Variants in ADGRF5 observed in about 807,000 individuals in gnomAD.
ADGRF5 encodes the protein G-protein coupled receptor 116.
Under a neutral mutation model 132.3 loss-of-function variants are expected in ADGRF5, and 75 were observed. The observed-to-expected ratio is 0.57, with a 90% confidence interval of 0.47 to 0.69. The LOEUF is 0.69. Among genes scored for constraint, ADGRF5 ranks in the 30% least tolerant of loss-of-function variants. The pLI, the probability that ADGRF5 is intolerant of heterozygous loss-of-function variation, is 0.00. For synonymous variants in ADGRF5, 629 were observed against 597.6 expected (o/e 1.05, Z -0.77); for missense variants, 1,516 against 1,630.6 (o/e 0.93, Z 1.21).
upstream of ADGRF5, among the ~76,000 whole-genome samples, chr6:46,922,868 A>G (rs190264935): frequency 1.3e-5 from 2 of 152,334 alleles, no homozygotes; most frequent in Admixed American, 1.3e-4. Flanking sequence ...GTAGGAACTG[A>G]TGCTTTAGTC....
intron 3 of ADGRF5, among the ~76,000 whole-genome samples, chr6:46,896,318 C>A (rs969730110): frequency 6.6e-6 from 1 of 152,136 alleles, no homozygotes; most frequent in Non-Finnish European, 1.5e-5. Context: ...ATTGTCCTAA[C>A]AGGCAGCTCC....
chr6:46,912,941 T>G (rs1776086253), intron 1 of ADGRF5, among the ~76,000 whole-genome samples: 1 of 152,346 alleles, frequency 6.6e-6, no homozygotes, highest in South Asian at 2.1e-4. Flanking sequence ...CAACATTCTA[T>G]AAAATCCCCA....
chr6:46,879,724 C>T, intron 9 of ADGRF5, 94 bp downstream of exon 9: 1 of 859,614 alleles, frequency 1.2e-6, no homozygotes, highest in Non-Finnish European at 1.9e-6. Context: ...GAGAAAAACA[C>T]TATCTACATA....
chr6:46,852,710 G>C lies in ADGRF5; in HGVS notation c.*1282C>G, dbSNP rs536245007. ...AAAGGCTCTGCCATTTGTTCAACAA[G>C]GTCAAGTGTCATTAGGAGCACAGAA... is the stretch of plus-strand genomic sequence containing the variant. On this transcript the variant is annotated 3_prime_UTR_variant, in exon 21 of 21. Coordinates refer to ENST00000283296, the MANE Select transcript of ADGRF5 (RefSeq NM_001098518.2). 286 of 152,198 alleles carry C rather than the reference G, an allele frequency of 1.9e-3. 1 individual carries two copies. Among genetic ancestry groups the C allele is most frequent in the African/African-American group, 6.3e-3 (261 of 41,492 alleles). The allele number at this position is 152,198 out of a possible 1,614,324, so 9.4% of individuals were successfully genotyped here. A position where few individuals can be genotyped will look rare whatever the true frequency, so the allele number is the denominator to read the frequency against.
chr6:46,902,406 T>A (rs1411783238), intron 2 of ADGRF5, among the ~76,000 whole-genome samples: 2 of 152,252 alleles, frequency 1.3e-5, no homozygotes, highest in Non-Finnish European at 2.9e-5. Context: ...TGCTTTCCAA[T>A]AGGACTAAAG....
In ADGRF5 at chr6:46,879,853, T is replaced by G; in HGVS notation, c.1001A>C (p.Lys334Thr). 6.2e-7 allele frequency: 1 copy of G among 1,614,008 alleles called. No homozygotes were observed. Among genetic ancestry groups the G allele is most frequent in the Non-Finnish European group, 8.5e-7 (1 of 1,179,838 alleles). ...ALFNNMTSVSKLTIHNITPGD... is the reference protein window; with the variant it reads ...ALFNNMTSVSTLTIHNITPGD... ...TGGAGTGATGTTGTGGATGGTGAGC[T>G]TGGACACCGAAGTCATGTTGTTGAA... is the stretch of plus-strand genomic sequence containing the variant. Residue 334 changes from lysine to threonine, a missense_variant, in exon 9 of 21, where the codon AAG (lysine) becomes ACG (threonine). This residue lies in a region of ADGRF5 where 945 missense variants were observed against 929.4 expected (regional missense o/e 1.02). Transcript: ENST00000283296.
chr6:46,911,600 A>G (rs559799939), intron 1 of ADGRF5, among the ~76,000 whole-genome samples: 2 of 152,298 alleles, frequency 1.3e-5, no homozygotes, highest in South Asian at 4.1e-4. Flanking sequence ...TGATCTGTCC[A>G]GTTATAAATA....
chr6:46,923,892 C>T (rs1478651244), upstream of ADGRF5, among the ~76,000 whole-genome samples: 1 of 152,194 alleles, frequency 6.6e-6, no homozygotes, highest in Non-Finnish European at 1.5e-5. Flanking sequence ...TCACAGCAGC[C>T]GTTTTCTTGA....
chr6:46,934,240 C>T (rs1777709354), intron 1 of ADGRF5, among the ~76,000 whole-genome samples: 1 of 152,158 alleles, frequency 6.6e-6, no homozygotes, highest in Non-Finnish European at 1.5e-5. Context: ...TCCTATGCCA[C>T]ATACACACTC....
intron 10 of ADGRF5, among the ~76,000 whole-genome samples, chr6:46,876,298 C>G (rs905853136): frequency 6.6e-6 from 1 of 152,226 alleles, no homozygotes; most frequent in Admixed American, 6.5e-5. Context: ...TAAGCATCTG[C>G]GCCACAGACT....
intron 3 of ADGRF5, among the ~76,000 whole-genome samples, chr6:46,894,857 G>A (rs991722131): frequency 1.3e-5 from 2 of 152,196 alleles, no homozygotes. Flanking sequence ...TATATTTTAT[G>A]CAGATGTGTG....
chr6:46,924,382 G>C (rs7740585), upstream of ADGRF5, among the ~76,000 whole-genome samples: 3 of 152,178 alleles, frequency 2.0e-5, no homozygotes, highest in Admixed American at 1.3e-4. Context: ...TGCCCAGCTC[G>C]TATTACAGTG....
chr6:46,929,215 G>A (rs1467114202), intron 1 of ADGRF5, among the ~76,000 whole-genome samples: 1 of 151,988 alleles, frequency 6.6e-6, no homozygotes, highest in Non-Finnish European at 1.5e-5. Context: ...AGCTGGAAAC[G>A]GTCATTCTCA....
intron 20 of ADGRF5, among the ~76,000 whole-genome samples, chr6:46,855,737 A>G (rs193299463): frequency 1.3e-4 from 20 of 152,322 alleles, no homozygotes; most frequent in Admixed American, 9.8e-4. Flanking sequence ...CATTGTCTAG[A>G]TTCTCCAAAT....
chr6:46,855,456 G>A (rs375772646), intron 20 of ADGRF5, among the ~76,000 whole-genome samples: 19 of 152,162 alleles, frequency 1.2e-4, no homozygotes, highest in African/African-American at 4.1e-4. Context: ...GCTAACTTGG[G>A]TGATCCCTTA....
chr6:46,865,420 C>T (rs976856151), intron 13 of ADGRF5, among the ~76,000 whole-genome samples: 2 of 152,220 alleles, frequency 1.3e-5, no homozygotes, highest in African/African-American at 4.8e-5. Context: ...CCAAGTCACA[C>T]ATTTTTGACA....
In ADGRF5 at chr6:46,854,805, G is replaced by A. The variant is rs772368622; in HGVS notation, c.3962-734C>T. 3.6e-4 allele frequency: 454 copies of A among 1,256,920 alleles called. 2 individuals are homozygous for A. The Middle Eastern group carries it at 5.3e-3, about 15-fold the overall frequency. The allele number at this position is 1,256,920 out of a possible 1,614,324, so 77.9% of individuals were successfully genotyped here. ...TGCTGACAACATAAACCAAAGTTAC[G>A]GTGCTTATGGGGCCCCCAAACATGC... On this transcript the variant is annotated intron_variant, in intron 20 of 20. Coordinates refer to ENST00000283296, the MANE Select transcript of ADGRF5 (RefSeq NM_001098518.2).
chr6:46,855,267 C>G (rs555708276), intron 20 of ADGRF5, among the ~76,000 whole-genome samples: 43 of 152,306 alleles, frequency 2.8e-4, no homozygotes, highest in Non-Finnish European at 5.1e-4. Context: ...GCAGCACCAC[C>G]ACCACTACCA....
chr6:46,946,275 G>A (rs1225309505), intron 1 of ADGRF5, among the ~76,000 whole-genome samples: 1 of 152,200 alleles, frequency 6.6e-6, no homozygotes, highest in Non-Finnish European at 1.5e-5. Flanking sequence ...TGGAAGGCAG[G>A]GACAAGACTA....
Sources: allele counts gnomAD v4.1 joint callset (sites outside exome capture counted in the v4.1 genomes callset), GRCh38; gene constraint gnomAD v4.1.1; regional missense constraint gnomAD v4.1.1; transcripts MANE v1.5; gene names NCBI Gene and HGNC (gene_info 2026-07-23, HGNC 2026-07-21).